The following TMEM131 variants were observed in gnomAD, a reference collection of about 807,000 sequenced individuals.
TMEM131 encodes transmembrane protein 131.
TMEM131 carries 66 observed loss-of-function variants against 211.6 expected under a neutral mutation model. That is an observed-to-expected ratio of 0.31 (90% CI 0.26 to 0.38). The LOEUF (loss-of-function observed/expected upper bound fraction) is 0.38. Among genes scored for constraint, TMEM131 ranks in the 10% least tolerant of loss-of-function variants. The probability of loss-of-function intolerance (pLI) is 1.00; values close to 1 mark genes in which losing one functional copy is unlikely to be tolerated. For missense variants in TMEM131, 2,036 were observed against 2,299.3 expected, an observed-to-expected ratio of 0.89 and a Z score of 2.34; for synonymous variants, 844 against 841.3, an observed-to-expected ratio of 1.00 and a Z score of -0.06.
intron 4 of TMEM131, among the ~76,000 whole-genome samples, chr2:97,864,377 T>C (rs554203120): frequency 4.4e-4 from 67 of 152,272 alleles, no homozygotes; most frequent in South Asian, 1.7e-3. Flanking sequence ...ACTACAATAA[T>C]ATAAATGGAT....
At chr2:97,875,221 TCTTA>T in intron 4 of TMEM131, among the ~76,000 whole-genome samples, 1 of 152,212 alleles carries the variant, frequency 6.6e-6, no homozygotes, top group Non-Finnish European at 1.5e-5. Flanking sequence ...TAAAGCAAGT[TCTTA>T]GAGACCTACA....
In TMEM131 at chr2:97,792,496, G is replaced by A. The variant is rs1329389890; in HGVS notation, c.4034C>T (p.Ser1345Leu). The change falls in exon 31 of 41, where the codon TCG (serine) becomes TTG (leucine). Residue 1345 changes from serine (S) to leucine (L), a missense_variant. Physicochemically the swap from Ser to Leu is moderately radical, Grantham distance 145 (BLOSUM62 -2). Around this residue, in one of 3 missense-constraint regions of TMEM131, gnomAD observed 1,623 missense variants for 1,805.9 expected, o/e 0.90. Coordinates refer to ENST00000186436, the MANE Select transcript of TMEM131 (RefSeq NM_015348.2). ...ASSARHSSED[S>L]DITSLIEAMD... The stretch of plus-strand genomic sequence containing the variant: ...GGCTTCTATGAGACTGGTGATGTCC[G>A]AGTCCTCGGAACTGTGCCTCGCGCT... 17 of 1,613,488 alleles carry A rather than the reference G, an allele frequency of 1.1e-5. No individual in the cohort carries two copies. Among genetic ancestry groups the A allele is most frequent in the Non-Finnish European group, 1.4e-5 (17 of 1,179,758 alleles).
At chr2:97,879,845 A>G (rs1011570147) in intron 4 of TMEM131, among the ~76,000 whole-genome samples, 2 of 151,418 alleles carry the variant, frequency 1.3e-5, no homozygotes, top group Non-Finnish European at 3.0e-5. Context: ...GCTTCTGGTC[A>G]AAAGTAGGCT....
At chr2:97,930,218 G>T (rs1290873648) in intron 1 of TMEM131, among the ~76,000 whole-genome samples, 1 of 151,726 alleles carries the variant, frequency 6.6e-6, no homozygotes, top group African/African-American at 2.4e-5. Context: ...TGTCTAATTG[G>T]CAGAGGAAAC....
chr2:97,817,888 C>G (rs1260330179), intron 12 of TMEM131, among the ~76,000 whole-genome samples: 4 of 152,150 alleles, frequency 2.6e-5, no homozygotes, highest in Non-Finnish European at 5.9e-5. Flanking sequence ...TTAATAGCAG[C>G]TACTCAGTTG....
intron 4 of TMEM131, among the ~76,000 whole-genome samples, chr2:97,877,862 T>G (rs1298254589): frequency 6.6e-6 from 1 of 152,190 alleles, no homozygotes; most frequent in African/African-American, 2.4e-5. Context: ...ACATGGGATC[T>G]AATTAAACCA....
chr2:97,892,883 T>C (rs983759995), intron 3 of TMEM131, among the ~76,000 whole-genome samples: 9 of 152,152 alleles, frequency 5.9e-5, no homozygotes, highest in Non-Finnish European at 7.3e-5. Context: ...GTAGGCCTAC[T>C]ATCATTTGTT....
chr2:97,894,062 A>G (rs933879995), intron 3 of TMEM131, among the ~76,000 whole-genome samples: 2 of 152,156 alleles, frequency 1.3e-5, no homozygotes, highest in African/African-American at 4.8e-5. Flanking sequence ...TGTATAAGGT[A>G]TAACGAAAGG....
chr2:97,979,264 C>A (rs1184931808), intron 1 of TMEM131, among the ~76,000 whole-genome samples: 2 of 152,204 alleles, frequency 1.3e-5, no homozygotes, highest in Admixed American at 1.3e-4. Flanking sequence ...TTCAGCATGA[C>A]AGATGAGCAT....
intron 11 of TMEM131, among the ~76,000 whole-genome samples, chr2:97,822,359 G>C (rs192316384): frequency 6.6e-6 from 1 of 152,100 alleles, no homozygotes; most frequent in Non-Finnish European, 1.5e-5. Flanking sequence ...CCTCAGAAAC[G>C]ATATCCTTCC....
intron 8 of TMEM131, among the ~76,000 whole-genome samples, chr2:97,835,908 TTC>T (rs1467987507): frequency 1.3e-5 from 2 of 152,232 alleles, no homozygotes; most frequent in African/African-American, 2.4e-5. Context: ...AAACATGCTA[TTC>T]TCTGTTATCA....
At chr2:97,815,363 G>A in intron 12 of TMEM131, 56 bp from the exon 13 acceptor site, 1 of 1,061,344 alleles carries the variant, frequency 9.4e-7, no homozygotes, top group South Asian at 1.8e-5. Context: ...AAGAGAATTA[G>A]TGAATTTATG....
chr2:97,830,629 T>A (rs1409654529), intron 11 of TMEM131, among the ~76,000 whole-genome samples: 1 of 152,248 alleles, frequency 6.6e-6, no homozygotes, highest in African/African-American at 2.4e-5. Flanking sequence ...ATTTGTTAAT[T>A]ACCAAGGGAA....
At chr2:97,772,133 G>A (rs1679495899) in intron 33 of TMEM131, among the ~76,000 whole-genome samples, 164 bp downstream of exon 33, 2 of 152,190 alleles carry the variant, frequency 1.3e-5, no homozygotes, top group Admixed American at 1.3e-4. Context: ...GTACATATCA[G>A]GTGACAGAAA....
chr2:97,896,469 C>A (rs1446474418), intron 3 of TMEM131, among the ~76,000 whole-genome samples: 1 of 152,102 alleles, frequency 6.6e-6, no homozygotes, highest in East Asian at 1.9e-4. Flanking sequence ...ATGTTAAAGT[C>A]TCCCACTATT....
chr2:97,911,780 G>T, intron 2 of TMEM131: 1 of 410,044 alleles, frequency 2.4e-6, no homozygotes, highest in Non-Finnish European at 3.3e-6. Context: ...AAAAATCTCA[G>T]AACATGCCAA....
At chr2:97,794,786 C>T in intron 29 of TMEM131, 144 bp downstream of exon 29, 1 of 594,114 alleles carries the variant, frequency 1.7e-6, no homozygotes, top group Non-Finnish European at 2.8e-6. Flanking sequence ...CTGTTCCCAC[C>T]AGTCTGTGAG....
At chr2:97,913,098 C>G (rs1162838310) in intron 2 of TMEM131, 1 of 152,040 alleles carries the variant, frequency 6.6e-6, no homozygotes, top group Non-Finnish European at 1.5e-5. Flanking sequence ...TGGACAAATT[C>G]TAAAAGAGTT....
At chr2:97,980,093 T>C (rs1032241049) in intron 1 of TMEM131, among the ~76,000 whole-genome samples, 3 of 152,182 alleles carry the variant, frequency 2.0e-5, no homozygotes, top group African/African-American at 7.2e-5. Context: ...ATTTATCAGT[T>C]AAGCCTGCAG....
Sources: gnomAD v4.1 joint callset for allele counts (sites outside exome capture counted in the v4.1 genomes callset) on GRCh38, gnomAD v4.1.1 for gene constraint, gnomAD v4.1.1 regional missense constraint, MANE v1.5 for transcripts, NCBI Gene and HGNC (gene_info 2026-07-23, HGNC 2026-07-21) for gene names.